The following TMEFF1 variants were observed in gnomAD, a reference collection of about 807,000 sequenced individuals.
TMEFF1 encodes tomoregulin-1.
TMEFF1 carries 20 observed loss-of-function variants against 47.5 expected under a neutral mutation model. That is an observed-to-expected ratio of 0.42 (90% CI 0.30 to 0.61). TMEFF1 has a LOEUF of 0.61. Ranked by LOEUF, TMEFF1 falls within the 20% of genes least tolerant of loss-of-function variation. TMEFF1 has a pLI of 0.19. For missense variants in TMEFF1, 411 were observed against 471.1 expected, an observed-to-expected ratio of 0.87 and a Z score of 1.18; for synonymous variants, 162 against 166.3, an observed-to-expected ratio of 0.97 and a Z score of 0.20.
chr9:100,513,178 C>A, intron 3 of TMEFF1, 129 bp from the exon 4 acceptor site: 4 of 1,291,714 alleles, frequency 3.1e-6, no homozygotes, highest in Non-Finnish European at 4.3e-6. Flanking sequence ...AATAAGATAT[C>A]AAAAATATGA....
chr9:100,527,698 A>G (rs1564018570), intron 5 of TMEFF1, among the ~76,000 whole-genome samples: 1 of 152,318 alleles, frequency 6.6e-6, no homozygotes, highest in South Asian at 2.1e-4. Context: ...TTGCTTACGT[A>G]AACAAAGCAG....
chr9:100,495,644 CATTT>C (rs1222196330), intron 1 of TMEFF1, among the ~76,000 whole-genome samples: 1 of 152,156 alleles, frequency 6.6e-6, no homozygotes, highest in Non-Finnish European at 1.5e-5. Context: ...AAACTAATCA[CATTT>C]ATGCATGAAC....
intron 8 of TMEFF1, among the ~76,000 whole-genome samples, chr9:100,567,969 T>C (rs1377618563): frequency 6.6e-6 from 1 of 152,134 alleles, no homozygotes; most frequent in Non-Finnish European, 1.5e-5. Flanking sequence ...CTCCAGTTTT[T>C]AAAACCATCA....
chr9:100,475,380 TTA>T lies in TMEFF1; in HGVS notation c.196+1642_196+1643del, dbSNP rs767038622. On this transcript the variant is annotated intron_variant, in intron 1 of 9. Transcript: ENST00000374879. The stretch of plus-strand genomic sequence containing the variant: ...TTCCATCCGTGAAAAAACTTTTCTG[TTA>T]TTTTTCTGATGTTGAACGGGATATG... 3.3e-5 allele frequency among the ~76,000 whole-genome samples: 5 copies of T among 152,336 alleles called. No homozygotes were observed. In the East Asian group the frequency reaches 9.6e-4, roughly 29 times the overall value.
chr9:100,475,153 A>G (rs1309508078), intron 1 of TMEFF1, among the ~76,000 whole-genome samples: 2 of 152,158 alleles, frequency 1.3e-5, no homozygotes, highest in South Asian at 2.1e-4. Context: ...GGGCTCTTGA[A>G]GGGGCATTAT....
chr9:100,504,113 A>G (rs1353528643), intron 2 of TMEFF1, among the ~76,000 whole-genome samples: 1 of 152,220 alleles, frequency 6.6e-6, no homozygotes, highest in East Asian at 1.9e-4. Flanking sequence ...TCTTCTAGCT[A>G]AAGAAAAGGT....
intron 1 of TMEFF1, among the ~76,000 whole-genome samples, chr9:100,491,241 A>G (rs1165957284): frequency 6.6e-6 from 1 of 152,148 alleles, no homozygotes; most frequent in Non-Finnish European, 1.5e-5. Flanking sequence ...GCAGTTGGGT[A>G]CATGTTCAAG....
intron 1 of TMEFF1, among the ~76,000 whole-genome samples, chr9:100,490,072 G>A (rs1380671076): frequency 6.6e-6 from 1 of 152,168 alleles, no homozygotes; most frequent in Non-Finnish European, 1.5e-5. Context: ...ATTGACAGGA[G>A]CAATGTGGTT....
intron 1 of TMEFF1, among the ~76,000 whole-genome samples, chr9:100,477,494 T>C (rs1837256798): frequency 6.6e-6 from 1 of 152,182 alleles, no homozygotes; most frequent in Admixed American, 6.5e-5. Flanking sequence ...ATAGCCTGCC[T>C]TAATAAAGAG....
chr9:100,510,632 GTT>G (rs775879632), intron 3 of TMEFF1, among the ~76,000 whole-genome samples: 2 of 151,904 alleles, frequency 1.3e-5, no homozygotes, highest in African/African-American at 4.8e-5. Flanking sequence ...AACATGCCAG[GTT>G]CATTTTTTTT....
intron 5 of TMEFF1, among the ~76,000 whole-genome samples, chr9:100,519,236 C>G (rs1224512660): frequency 6.6e-6 from 1 of 151,848 alleles, no homozygotes; most frequent in African/African-American, 2.4e-5. Context: ...GATGAAAACC[C>G]GTCTCTAATA....
rs189485937 is a variant in TMEFF1 at position 100,511,791 on chromosome 9, C to T, written c.437-1516C>T. On this transcript the variant is annotated intron_variant, in intron 3 of 9. Coordinates refer to ENST00000374879, the MANE Select transcript of TMEFF1 (RefSeq NM_003692.5). ...TCAGTGCTTTCTCAGTGGGGAGGTA[C>T]TGTCTTACCTAGGGATGTGTATCGT... 1.4e-3 allele frequency among the ~76,000 whole-genome samples: 211 copies of T among 152,260 alleles called. 1 individual carries two copies. Among genetic ancestry groups the T allele is most frequent in the Admixed American group, 2.3e-3 (35 of 15,294 alleles).
At chr9:100,484,211 T>C (rs1837402565) in intron 1 of TMEFF1, among the ~76,000 whole-genome samples, 1 of 152,242 alleles carries the variant, frequency 6.6e-6, no homozygotes, top group African/African-American at 2.4e-5. Flanking sequence ...GTAATTGATA[T>C]CTGTGCTACC....
chr9:100,524,788 A>G lies in TMEFF1; in HGVS notation c.560+8017A>G, dbSNP rs144531105. Among the ~76,000 whole-genome samples, 149 of 152,280 alleles carry G rather than the reference A, an allele frequency of 9.8e-4. No individual in the cohort carries two copies. The East Asian group carries it at 0.019, about 19-fold the overall frequency. ...ACTTTAAGTTCTGGGGCACATGTGC[A>G]CAACGTGCAGATTTGTTACATAGTG... On this transcript the variant is annotated intron_variant, in intron 5 of 9. Coordinates refer to ENST00000374879, the MANE Select transcript of TMEFF1 (RefSeq NM_003692.5).
At chr9:100,475,321 G>A (rs1837202285) in intron 1 of TMEFF1, among the ~76,000 whole-genome samples, 1 of 152,078 alleles carries the variant, frequency 6.6e-6, no homozygotes, top group Non-Finnish European at 1.5e-5. Context: ...GCAGTTTTGA[G>A]CACAGTAAAC....
chr9:100,488,993 G>A (rs1837501404), intron 1 of TMEFF1, among the ~76,000 whole-genome samples: 1 of 151,988 alleles, frequency 6.6e-6, no homozygotes, highest in Admixed American at 6.6e-5. Flanking sequence ...ATTGTGCAGT[G>A]ATCATCACTA....
chr9:100,491,777 CAA>C, intron 1 of TMEFF1, among the ~76,000 whole-genome samples: 1 of 151,228 alleles, frequency 6.6e-6, no homozygotes, highest in East Asian at 1.9e-4. Context: ...TAGGGAGTCA[CAA>C]AAATGATTCA....
In TMEFF1 at chr9:100,566,762, T is replaced by C. The variant is rs142306213; in HGVS notation, c.899+5242T>C. 5.7e-3 allele frequency among the ~76,000 whole-genome samples: 865 copies of C among 152,120 alleles called. 5 individuals carry two copies. Among genetic ancestry groups the C allele is most frequent in the South Asian group, 0.019 (90 of 4,806 alleles). On this transcript the variant is annotated intron_variant, in intron 8 of 9. Transcript: ENST00000374879. The stretch of plus-strand genomic sequence containing the variant: ...CTCTGTTGCCCAGGCTGGAGTGCAG[T>C]GGTGTGATTTCAGGTCACTGCAGCC...
intron 1 of TMEFF1, among the ~76,000 whole-genome samples, chr9:100,492,487 G>T (rs1437799276): frequency 6.6e-6 from 1 of 152,210 alleles, no homozygotes; most frequent in Non-Finnish European, 1.5e-5. Context: ...GGATGTTCTA[G>T]AGAGGGCCTA....
Sources: gnomAD v4.1 joint callset for allele counts (sites outside exome capture counted in the v4.1 genomes callset) on GRCh38, gnomAD v4.1.1 for gene constraint, MANE v1.5 for transcripts, NCBI Gene and HGNC (gene_info 2026-07-23, HGNC 2026-07-21) for gene names.